Variants in MMS22L observed in about 807,000 individuals in gnomAD.
The protein encoded by MMS22L is protein MMS22-like.
Under a neutral mutation model 159.1 loss-of-function variants are expected in MMS22L, and 74 were observed. That is an observed-to-expected ratio of 0.47 (90% confidence interval 0.39 to 0.56). MMS22L has a LOEUF of 0.56. MMS22L is among the 20% of genes least tolerant of loss of function. MMS22L has a pLI of 0.00. For missense variants in MMS22L, 1,351 were observed against 1,422.1 expected (o/e 0.95, Z 0.80); for synonymous variants, 517 against 506.9 (o/e 1.02, Z -0.27).
chr6:97,221,465 T>C (rs1248638778), intron 14 of MMS22L, among the ~76,000 whole-genome samples: 2 of 152,038 alleles, frequency 1.3e-5, no homozygotes, highest in African/African-American at 4.8e-5. Flanking sequence ...AAATATGTAA[T>C]AGAAATACAT....
intron 8 of MMS22L, chr6:97,263,999 C>T (rs1437814304): frequency 6.6e-6 from 1 of 152,280 alleles, no homozygotes; most frequent in Non-Finnish European, 1.5e-5. Context: ...TGAGCCACCT[C>T]GCCCAGCCAG....
rs537428945 is a variant in MMS22L, at chr6:97,184,673, G to A, written c.2233+1824C>T. Among the ~76,000 whole-genome samples, 38 of 152,106 alleles carry A rather than the reference G, an allele frequency of 2.5e-4. 1 individual carries two copies. The South Asian group carries it at 7.9e-3, about 32-fold the overall frequency. ...TACCTTGAAAATACTTTCTTCAGAT[G>A]GGAAACCTGACCACTTCTCACCACC... On this transcript the variant is annotated intron_variant, in intron 15 of 24. Transcript: ENST00000683635.
chr6:97,159,948 G>GTTTTTTTTTTTTTTCTTTT (rs1802249630), intron 22 of MMS22L, among the ~76,000 whole-genome samples: 1 of 97,180 alleles, frequency 1.0e-5, no homozygotes, highest in Non-Finnish European at 1.9e-5. Flanking sequence ...TATCATTTCT[G>GTTTTTTTTTTTTTTCTTTT]TTTTTTTTTT....
intron 22 of MMS22L, among the ~76,000 whole-genome samples, chr6:97,156,975 T>C (rs1249112600): frequency 1.3e-5 from 2 of 148,510 alleles, no homozygotes; most frequent in Admixed American, 1.3e-4. Context: ...CATTTGTTTG[T>C]GTCCTCTTTT....
At chr6:97,209,635 G>T (rs1808157715) in intron 14 of MMS22L, among the ~76,000 whole-genome samples, 1 of 151,922 alleles carries the variant, frequency 6.6e-6, no homozygotes, top group African/African-American at 2.4e-5. Flanking sequence ...ATGCTGTTTA[G>T]TAATCAACTA....
chr6:97,161,298 C>T (rs1461858905), intron 22 of MMS22L, among the ~76,000 whole-genome samples: 1 of 152,028 alleles, frequency 6.6e-6, no homozygotes, highest in Non-Finnish European at 1.5e-5. Context: ...CTGTCCCTTT[C>T]CCTGATCACA....
chr6:97,204,549 T>A (rs1807541681), intron 14 of MMS22L, among the ~76,000 whole-genome samples: 1 of 152,052 alleles, frequency 6.6e-6, no homozygotes, highest in Non-Finnish European at 1.5e-5. Flanking sequence ...CCCAACACTT[T>A]GGGAGGCCAA....
chr6:97,267,725 T>C (rs969812715), intron 8 of MMS22L, 147 bp downstream of exon 8: 29 of 629,830 alleles, frequency 4.6e-5, no homozygotes, highest in Non-Finnish European at 6.4e-5. Context: ...AAAATTGTTT[T>C]CCCTTTCAGC....
At chr6:97,271,060 A>T (rs893385297) in intron 6 of MMS22L, 1 of 152,110 alleles carries the variant, frequency 6.6e-6, no homozygotes, top group Admixed American at 6.5e-5. Flanking sequence ...CAACTAATAT[A>T]TACCTAGAGA....
At chr6:97,272,668 G>C in intron 6 of MMS22L, 36 bp downstream of exon 6, 1 of 1,555,154 alleles carries the variant, frequency 6.4e-7, no homozygotes, top group Non-Finnish European at 8.8e-7. Flanking sequence ...GGGAGAAAAA[G>C]CTGATAATTT....
At chr6:97,277,440 A>G (rs1445756214) in intron 4 of MMS22L, among the ~76,000 whole-genome samples, 2 of 151,942 alleles carry the variant, frequency 1.3e-5, no homozygotes, top group Admixed American at 6.6e-5. Context: ...AATAAATAAT[A>G]ATGATACAGG....
chr6:97,231,376 C>G, intron 13 of MMS22L, 50 bp downstream of exon 13: 1 of 1,312,454 alleles, frequency 7.6e-7, no homozygotes, highest in Non-Finnish European at 1.1e-6. Context: ...AATAGTAACA[C>G]CTATCCAAAG....
intron 24 of MMS22L, among the ~76,000 whole-genome samples, chr6:97,147,729 G>C (rs1451047579): frequency 6.6e-6 from 1 of 152,070 alleles, no homozygotes; most frequent in Non-Finnish European, 1.5e-5. Flanking sequence ...AAAACCACAG[G>C]AGGCTAGCCA....
At chr6:97,244,435 G>A (rs1174439083) in intron 11 of MMS22L, among the ~76,000 whole-genome samples, 2 of 152,228 alleles carry the variant, frequency 1.3e-5, no homozygotes, top group African/African-American at 2.4e-5. Flanking sequence ...GATCCTGGGT[G>A]TGTCTGTGAG....
At chr6:97,154,057 A>G (rs530967447) in intron 22 of MMS22L, among the ~76,000 whole-genome samples, 61 of 152,318 alleles carry the variant, frequency 4.0e-4, no homozygotes, top group South Asian at 2.5e-3. Context: ...TATCCAAAGT[A>G]GCAACATGAT....
intron 11 of MMS22L, among the ~76,000 whole-genome samples, chr6:97,240,920 C>A (rs115701586): frequency 0.018 from 2,791 of 152,306 alleles, 83 homozygotes; most frequent in African/African-American, 0.064. Context: ...AGCCACCACA[C>A]CCGGCCTGTA....
intron 11 of MMS22L, among the ~76,000 whole-genome samples, chr6:97,235,511 G>C (rs1283603421): frequency 6.6e-6 from 1 of 152,182 alleles, no homozygotes; most frequent in Non-Finnish European, 1.5e-5. Context: ...GCAAAAACAA[G>C]TGGTCAATGA....
intron 9 of MMS22L, chr6:97,260,318 C>T (rs1814322732): frequency 6.6e-6 from 1 of 152,144 alleles, no homozygotes; most frequent in Admixed American, 6.5e-5. Flanking sequence ...TTCCTCCTTG[C>T]CTACCTTCCA....
chr6:97,227,812 T>G (rs890795703), intron 14 of MMS22L, among the ~76,000 whole-genome samples: 8 of 152,190 alleles, frequency 5.3e-5, no homozygotes, highest in African/African-American at 1.7e-4. Flanking sequence ...TTTAACTTCT[T>G]AAGAACATGT....
Sources: allele counts gnomAD v4.1 joint callset (sites outside exome capture counted in the v4.1 genomes callset), GRCh38; gene constraint gnomAD v4.1.1; transcripts MANE v1.5; gene names NCBI Gene and HGNC (gene_info 2026-07-23, HGNC 2026-07-21).